Variants in ZMIZ1 observed in about 807,000 individuals in gnomAD.
ZMIZ1 encodes the protein zinc finger MIZ domain-containing protein 1.
Under a neutral mutation model 113.9 loss-of-function variants are expected in ZMIZ1, and 17 were observed. The observed-to-expected ratio is 0.15, with a 90% CI of 0.10 to 0.22. ZMIZ1 has a LOEUF of 0.22. Ranked by LOEUF, ZMIZ1 falls within the 10% of genes least tolerant of loss-of-function variation. The pLI is 1.00. For missense variants in ZMIZ1, 1,059 were observed against 1,477.8 expected (o/e 0.72, Z 4.65); for synonymous variants, 607 against 603.1 (o/e 1.01, Z -0.09).
intron 4 of ZMIZ1, among the ~76,000 whole-genome samples, chr10:79,171,010 G>A (rs1034944036): frequency 1.3e-5 from 2 of 152,150 alleles, no homozygotes; most frequent in Admixed American, 6.5e-5. Flanking sequence ...TCTTGGACCC[G>A]CACTGTCAGC....
At chr10:79,244,526 C>T (rs368573123) in intron 7 of ZMIZ1, among the ~76,000 whole-genome samples, 2 of 152,176 alleles carry the variant, frequency 1.3e-5, no homozygotes, top group Admixed American at 6.5e-5. Flanking sequence ...TAGGAGAGGT[C>T]AGCTGGCACT....
chr10:79,112,274 C>G (rs1407648903), intron 1 of ZMIZ1, among the ~76,000 whole-genome samples: 1 of 152,214 alleles, frequency 6.6e-6, no homozygotes, highest in Non-Finnish European at 1.5e-5. Flanking sequence ...ACAGCCTGCT[C>G]TGTGCCAGGT....
chr10:79,303,536 C>T (rs995308656), intron 18 of ZMIZ1, among the ~76,000 whole-genome samples: 1 of 149,774 alleles, frequency 6.7e-6, no homozygotes, highest in Non-Finnish European at 1.5e-5. Context: ...GGTGTGGACT[C>T]GGGCCCTGTG....
chr10:79,161,385 C>T (rs1846110801), intron 3 of ZMIZ1, among the ~76,000 whole-genome samples: 1 of 152,228 alleles, frequency 6.6e-6, no homozygotes, highest in African/African-American at 2.4e-5. Flanking sequence ...CTGGTCTCCA[C>T]TCACGGCACC....
chr10:79,148,643 C>T (rs534484859), intron 3 of ZMIZ1, among the ~76,000 whole-genome samples: 1 of 122,972 alleles, frequency 8.1e-6, no homozygotes, highest in East Asian at 2.3e-4. Context: ...GATTCTGGGC[C>T]GGGGTTTTTA....
intron 4 of ZMIZ1, among the ~76,000 whole-genome samples, chr10:79,168,142 G>A (rs979902187): frequency 6.6e-6 from 1 of 152,234 alleles, no homozygotes; most frequent in Non-Finnish European, 1.5e-5. Flanking sequence ...GCACTTGGCT[G>A]TATGCTCCAT....
At chr10:79,265,010 A>C (rs904028489) in intron 7 of ZMIZ1, among the ~76,000 whole-genome samples, 12 of 152,072 alleles carry the variant, frequency 7.9e-5, no homozygotes, top group African/African-American at 2.4e-4. Flanking sequence ...CCCAGCCTCC[A>C]CTGGGTGAGG....
chr10:79,101,755 C>T (rs977302967), intron 1 of ZMIZ1, among the ~76,000 whole-genome samples: 1 of 152,166 alleles, frequency 6.6e-6, no homozygotes, highest in Non-Finnish European at 1.5e-5. Context: ...CATCATCTGC[C>T]ATGAAGACAG....
At chr10:79,081,304 CCTT>C (rs1168711871) in intron 1 of ZMIZ1, among the ~76,000 whole-genome samples, 1 of 152,116 alleles carries the variant, frequency 6.6e-6, no homozygotes, top group Non-Finnish European at 1.5e-5. Flanking sequence ...GGGGAGGTGG[CCTT>C]CTTATATCCC....
chr10:79,070,174 T>G (rs1842215137), intron 1 of ZMIZ1, among the ~76,000 whole-genome samples: 1 of 151,670 alleles, frequency 6.6e-6, no homozygotes, highest in African/African-American at 2.4e-5. Context: ...TCTGGAAGCT[T>G]GCTTCACATT....
intron 7 of ZMIZ1, among the ~76,000 whole-genome samples, chr10:79,253,834 G>T (rs1850704626): frequency 6.6e-6 from 1 of 152,074 alleles, no homozygotes; most frequent in Admixed American, 6.5e-5. Flanking sequence ...TGCCCTGTGT[G>T]GATGCATGGG....
rs558578402 is a variant in ZMIZ1, at chr10:79,306,277, C to T, written c.2601C>T (p.Pro867=). 8.1e-6 allele frequency: 13 copies of T among 1,613,942 alleles called. No homozygotes were observed. The highest frequency in any genetic ancestry group is 5.0e-5 in the Admixed American group (3 of 60,028). The change falls in exon 22 of 25, where the codon CCC becomes CCT. Residue 867 remains proline, a synonymous_variant. Coordinates refer to ENST00000334512, the MANE Select transcript of ZMIZ1 (RefSeq NM_020338.4). ...TGGAGATGATCGCAGCCCTGGGCCC[C>T]GGCCCGTCCCCCTATCCCCTCCCGC... ...NVMEMIAALG[P]GPSPYPLPPP...
At position 79,091,947 on chromosome 10, in the gene ZMIZ1, T is replaced by G. The variant is rs796104827; in HGVS notation, c.-337+22677T>G. 3.7e-4 allele frequency among the ~76,000 whole-genome samples: 57 copies of G among 152,200 alleles called. 1 individual carries two copies. The highest frequency in any genetic ancestry group is 1.2e-3 in the African/African-American group (51 of 41,538). On this transcript the variant is annotated intron_variant, in intron 1 of 24. Coordinates refer to ENST00000334512, the MANE Select transcript of ZMIZ1 (RefSeq NM_020338.4). ...TTGGAGGAGACCTGAGCCTATTAAT[T>G]AGGCAGGTGAGTGGAGTCCCTGAGG...
rs78606838 is a variant in ZMIZ1, at chr10:79,265,845, G to A, written c.281-11336G>A. Among the ~76,000 whole-genome samples the A allele has an allele frequency of 5.5e-3, 838 of 152,222 alleles. 5 individuals carry two copies. The highest frequency in any genetic ancestry group is 0.019 in the African/African-American group (795 of 41,514). On this transcript the variant is annotated intron_variant, in intron 7 of 24. Transcript: ENST00000334512. ...TCACCCTCAGAGTCCTGCAAGCATC[G>A]GCTGTTTGACCTCAGCGAATCCACT...
chr10:79,313,987 A>C lies in ZMIZ1; in HGVS notation c.*1238A>C, dbSNP rs1206397627. On this transcript the variant is annotated 3_prime_UTR_variant, in exon 25 of 25. Coordinates refer to ENST00000334512, the MANE Select transcript of ZMIZ1 (RefSeq NM_020338.4). ...AGCCCAGGCCATGGACATGTGCACCAGTATGTACCTGCAGGCATGGGGGGG... is the reference window on the plus strand; with the variant it reads ...AGCCCAGGCCATGGACATGTGCACCCGTATGTACCTGCAGGCATGGGGGGG... The C allele has an allele frequency of 2.2e-6, 1 of 452,860 alleles. No homozygotes were observed. Among genetic ancestry groups the C allele is most frequent in the Non-Finnish European group, 4.4e-6 (1 of 225,358 alleles). 28.1% of individuals were successfully genotyped at this position (452,860 alleles called of 1,614,324 possible). A position where few individuals can be genotyped will look rare whatever the true frequency, so the allele number is the denominator to read the frequency against.
At position 79,269,456 on chromosome 10, in the gene ZMIZ1, A is replaced by AACACACACACACACAC. The variant is rs55634343; in HGVS notation, c.281-7706_281-7691dup. ...AGCACCCCTCCCAACACCTCCCCCC[A>AACACACACACACACAC]ACACACACACACACACACACACACA... On this transcript the variant is annotated intron_variant, in intron 7 of 24. Coordinates refer to ENST00000334512, the MANE Select transcript of ZMIZ1 (RefSeq NM_020338.4). Among the ~76,000 whole-genome samples, 965 of 138,522 alleles carry AACACACACACACACAC rather than the reference A, an allele frequency of 7.0e-3. 12 individuals carry two copies. The highest frequency in any genetic ancestry group is 0.011 in the Middle Eastern group (3 of 282). 90.9% of individuals were successfully genotyped at this position (138,522 alleles called of 152,430 possible). A position where few individuals can be genotyped will look rare whatever the true frequency, so the allele number is the denominator to read the frequency against.
At chr10:79,249,753 T>C (rs1019600690) in intron 7 of ZMIZ1, among the ~76,000 whole-genome samples, 4 of 152,104 alleles carry the variant, frequency 2.6e-5, no homozygotes, top group Non-Finnish European at 2.9e-5. Flanking sequence ...GTGCCTGAAG[T>C]GGTCACTCTG....
intron 14 of ZMIZ1, 109 bp from the exon 15 acceptor site, chr10:79,298,297 G>A (rs1483643299): frequency 4.0e-6 from 5 of 1,252,708 alleles, no homozygotes; most frequent in Non-Finnish European, 5.5e-6. Flanking sequence ...CTCTCCTCCC[G>A]AGGGGCATGG....
At chr10:79,171,236 T>A (rs967316204) in intron 4 of ZMIZ1, among the ~76,000 whole-genome samples, 9 of 152,148 alleles carry the variant, frequency 5.9e-5, no homozygotes, top group African/African-American at 2.2e-4. Flanking sequence ...TGAGATCTCG[T>A]TTGAGGCAGC....
Sources: allele counts gnomAD v4.1 joint callset (sites outside exome capture counted in the v4.1 genomes callset), GRCh38; gene constraint gnomAD v4.1.1; transcripts MANE v1.5; gene names NCBI Gene and HGNC (gene_info 2026-07-23, HGNC 2026-07-21).